The following PIAS1 variants were observed in gnomAD, a reference collection of about 807,000 sequenced individuals.
PIAS1 encodes protein inhibitor of activated STAT 1.
A neutral mutation model predicts 71.3 loss-of-function variants in PIAS1; 6 were observed. That is an observed-to-expected ratio of 0.08 (90% CI 0.05 to 0.17). The LOEUF is 0.17. Ranked by LOEUF, PIAS1 falls within the 10% of genes least tolerant of loss-of-function variation. The pLI is 1.00. For missense variants in PIAS1, 555 were observed against 793.6 expected (o/e 0.70, Z 3.61); for synonymous variants, 303 against 292.9 (o/e 1.03, Z -0.35).
chr15:68,159,371 A>G (rs909506058), intron 7 of PIAS1, among the ~76,000 whole-genome samples: 23 of 152,072 alleles, frequency 1.5e-4, no homozygotes, highest in African/African-American at 5.6e-4. Flanking sequence ...TTTAAAGTAT[A>G]ACTTATAGGC....
At chr15:68,149,326 CTT>C (rs562772014) in intron 6 of PIAS1, among the ~76,000 whole-genome samples, 53 of 127,518 alleles carry the variant, frequency 4.2e-4, no homozygotes, top group African/African-American at 1.1e-3. Context: ...TCCTGCATTA[CTT>C]TTTTTTTTTT....
chr15:68,101,943 G>A (rs958555720), intron 2 of PIAS1, among the ~76,000 whole-genome samples: 1 of 152,124 alleles, frequency 6.6e-6, no homozygotes. Flanking sequence ...TTGTAGAGAC[G>A]GGATCTGGTC....
At chr15:68,117,540 C>G (rs183545863) in intron 2 of PIAS1, among the ~76,000 whole-genome samples, 1 of 152,228 alleles carries the variant, frequency 6.6e-6, no homozygotes, top group African/African-American at 2.4e-5. Flanking sequence ...CCAGAGTTCT[C>G]GTACCCCTAT....
At chr15:68,089,976 C>G (rs2092319650) in intron 2 of PIAS1, among the ~76,000 whole-genome samples, 1 of 151,810 alleles carries the variant, frequency 6.6e-6, no homozygotes, top group African/African-American at 2.4e-5. Flanking sequence ...GTCTTTCCGG[C>G]TGAAGCAGTT....
chr15:68,155,928 C>T (rs1159787403), intron 7 of PIAS1, among the ~76,000 whole-genome samples: 1 of 152,216 alleles, frequency 6.6e-6, no homozygotes, highest in Non-Finnish European at 1.5e-5. Flanking sequence ...GGCTACAAGA[C>T]ATGAATTACC....
At chr15:68,161,922 C>T (rs998749722) in intron 7 of PIAS1, among the ~76,000 whole-genome samples, 1 of 151,200 alleles carries the variant, frequency 6.6e-6, no homozygotes, top group Admixed American at 6.6e-5. Context: ...GAGTGAGACT[C>T]TGTCTCAAAA....
rs957640383 is a variant in PIAS1 at position 68,107,653 on chromosome 15, A to G, written c.469+20903A>G. Among the ~76,000 whole-genome samples the G allele has an allele frequency of 2.0e-5, 3 of 152,300 alleles. No homozygotes were observed. The East Asian group carries it at 5.8e-4, about 29-fold the overall frequency. ...AAATGATTGTTTAGAATGGATTTGA[A>G]AGTGTCTATTAAACTATATCTAAGA... On this transcript the variant is annotated intron_variant, in intron 2 of 13. Transcript: ENST00000249636.
intron 2 of PIAS1, among the ~76,000 whole-genome samples, chr15:68,124,476 C>T (rs2092636159): frequency 6.6e-6 from 1 of 151,096 alleles, no homozygotes; most frequent in Admixed American, 6.6e-5. Flanking sequence ...AATCCCAGCA[C>T]TTTGGGAGGC....
intron 1 of PIAS1, among the ~76,000 whole-genome samples, chr15:68,063,340 A>G (rs2091981518): frequency 6.6e-6 from 1 of 152,210 alleles, no homozygotes; most frequent in African/African-American, 2.4e-5. Context: ...GTCTAATCTT[A>G]AAGATTGGAA....
chr15:68,069,868 G>A (rs2092074827), intron 1 of PIAS1, among the ~76,000 whole-genome samples: 1 of 151,720 alleles, frequency 6.6e-6, no homozygotes, highest in African/African-American at 2.4e-5. Context: ...AAATAGTTTG[G>A]TTCTCTTGTA....
chr15:68,160,847 A>G (rs777612153), intron 7 of PIAS1, among the ~76,000 whole-genome samples: 2 of 152,202 alleles, frequency 1.3e-5, no homozygotes, highest in African/African-American at 4.8e-5. Context: ...TACAGCTGAT[A>G]TCATCACTAA....
chr15:68,150,073 A>G (rs896433129), intron 6 of PIAS1, among the ~76,000 whole-genome samples: 2 of 151,994 alleles, frequency 1.3e-5, no homozygotes, highest in African/African-American at 4.8e-5. Context: ...TCTCAGGGTT[A>G]TATTTTTTTC....
intron 2 of PIAS1, among the ~76,000 whole-genome samples, chr15:68,105,218 A>G (rs373430909): frequency 6.6e-6 from 1 of 152,216 alleles, no homozygotes; most frequent in Non-Finnish European, 1.5e-5. Flanking sequence ...ATAATATATT[A>G]CTATTTACCA....
In PIAS1 at chr15:68,187,444, A is replaced by G. The variant is rs1230533414; in HGVS notation, c.1663-98A>G. Reference sequence around the variant, plus strand: ...AATATTTCAGAAACCCTAGATACTCAGGCTATCTTAAATTTAGGGCTGTGT... The same window carrying G: ...AATATTTCAGAAACCCTAGATACTCGGGCTATCTTAAATTTAGGGCTGTGT... On this transcript the variant is annotated intron_variant, in intron 13 of 13. Transcript: ENST00000249636. This position sits in a 1 kb window ranked among gnomAD's most constrained non-coding sequence, Gnocchi z 5.3. The G allele has an allele frequency of 9.1e-7, 1 of 1,101,922 alleles. No individual in the cohort carries two copies. Among genetic ancestry groups the G allele is most frequent in the Non-Finnish European group, 1.3e-6 (1 of 755,810 alleles). 68.3% of individuals were successfully genotyped at this position (1,101,922 alleles called of 1,614,324 possible). A position where few individuals can be genotyped will look rare whatever the true frequency, so the allele number is the denominator to read the frequency against.
intron 1 of PIAS1, among the ~76,000 whole-genome samples, chr15:68,070,412 G>A (rs2092082371): frequency 1.3e-5 from 2 of 152,220 alleles, no homozygotes; most frequent in Admixed American, 1.3e-4. Flanking sequence ...GGGTGGTGCA[G>A]GTTCTGCTGG....
chr15:68,113,170 C>G (rs1168144656), intron 2 of PIAS1, among the ~76,000 whole-genome samples: 1 of 152,018 alleles, frequency 6.6e-6, no homozygotes, highest in African/African-American at 2.4e-5. Context: ...TTGTGGGGAA[C>G]AAAGTATATT....
intron 1 of PIAS1, among the ~76,000 whole-genome samples, chr15:68,084,997 A>G (rs574998525): frequency 2.0e-5 from 3 of 152,296 alleles, no homozygotes; most frequent in Non-Finnish European, 2.9e-5. Flanking sequence ...TTAACCAGCT[A>G]TATTGCTTAT....
At chr15:68,079,314 T>C (rs2092203737) in intron 1 of PIAS1, among the ~76,000 whole-genome samples, 1 of 152,180 alleles carries the variant, frequency 6.6e-6, no homozygotes, top group South Asian at 2.1e-4. Context: ...GGCCTGTGCA[T>C]TGATCCAAAA....
chr15:68,146,968 C>T (rs187169571), intron 6 of PIAS1, among the ~76,000 whole-genome samples: 188 of 152,254 alleles, frequency 1.2e-3, no homozygotes, highest in Admixed American at 2.0e-3. Context: ...GTGATGATAT[C>T]ATATTCCAAT....
Sources: allele counts gnomAD v4.1 joint callset (sites outside exome capture counted in the v4.1 genomes callset), GRCh38; gene constraint gnomAD v4.1.1; non-coding constraint Gnocchi (gnomAD v3.1); transcripts MANE v1.5; gene names NCBI Gene and HGNC (gene_info 2026-07-23, HGNC 2026-07-21).